Variants in ITGAX observed in about 807,000 individuals in gnomAD.
ITGAX encodes the protein integrin subunit alpha X.
A neutral mutation model predicts 140.2 loss-of-function variants in ITGAX; 99 were observed. The observed-to-expected ratio is 0.71, with a 90% CI of 0.60 to 0.83. The LOEUF is 0.83. ITGAX is among the 40% of genes least tolerant of loss of function. The pLI, the probability that ITGAX is intolerant of heterozygous loss-of-function variation, is 0.00. For missense variants in ITGAX, 1,444 were observed against 1,482.0 expected (o/e 0.97, Z 0.42); for synonymous variants, 631 against 600.4 (o/e 1.05, Z -0.75).
intron 17 of ITGAX, among the ~76,000 whole-genome samples, chr16:31,372,171 G>GA (rs1555477554): frequency 6.6e-6 from 1 of 151,628 alleles, no homozygotes; most frequent in African/African-American, 2.4e-5. Flanking sequence ...GGTCTGGGGG[G>GA]GGGGAGGAAA....
At chr16:31,362,847 G>T in intron 12 of ITGAX, 88 bp from the exon 13 acceptor site, 2 of 1,606,126 alleles carry the variant, frequency 1.2e-6, no homozygotes, top group Non-Finnish European at 1.7e-6. Context: ...CCTTGGGGGA[G>T]GTCCTGGTAC....
chr16:31,357,091 C>T lies in ITGAX; in HGVS notation c.308C>T (p.Ser103Phe), dbSNP rs1353948157. 2.5e-6 allele frequency: 4 copies of T among 1,606,682 alleles called. No individual in the cohort carries two copies. In the East Asian group the frequency reaches 8.9e-5, roughly 36 times the overall value. The change falls in exon 4 of 30, where the codon TCC (serine) becomes TTC (phenylalanine). Residue 103 changes from serine to phenylalanine, a missense_variant. By Grantham distance (155) the Ser-to-Phe change is radical. Coordinates refer to ENST00000268296, the MANE Select transcript of ITGAX (RefSeq NM_000887.5). ...GLSLASTTSPSQLLACGPTVH... is the reference protein window; with the variant it reads ...GLSLASTTSPFQLLACGPTVH... ...TCCCTGGCGTCTACCACCAGCCCTT[C>T]CCAGCTGCTGGTGAGTGGCCCTGGG...
In ITGAX at chr16:31,382,227, T is replaced by TA; in HGVS notation, c.*320_*321insA. Reference sequence around the variant, plus strand: ...AGGCACGAATGATCTTTCTTTCCTTTCTTTTTTTTTTTTTTTCTTTTCTTT... The same window carrying TA: ...AGGCACGAATGATCTTTCTTTCCTTTACTTTTTTTTTTTTTTTCTTTTCTTT... On this transcript the variant is annotated 3_prime_UTR_variant, in exon 30 of 30. Coordinates refer to ENST00000268296, the MANE Select transcript of ITGAX (RefSeq NM_000887.5). 21 of 1,195,830 alleles carry TA rather than the reference T, an allele frequency of 1.8e-5. No individual in the cohort carries two copies. The highest frequency in any genetic ancestry group is 2.2e-5 in the Non-Finnish European group (21 of 936,118). 74.1% of individuals were successfully genotyped at this position (1,195,830 alleles called of 1,614,324 possible).
chr16:31,361,511 A>G (rs904168677), intron 9 of ITGAX: 15 of 670,050 alleles, frequency 2.2e-5, no homozygotes, highest in South Asian at 5.5e-5. Context: ...TTCCACCCAC[A>G]CCGGGCCCTA....
Position 31,381,026 on chromosome 16 carries a change from T to C in ITGAX, c.3387+19T>C, listed in dbSNP as rs753129871. On this transcript the variant is annotated intron_variant, in intron 29 of 29. Coordinates refer to ENST00000268296, the MANE Select transcript of ITGAX (RefSeq NM_000887.5). ...GTACAAAGTGAGTGTTTTATGCCAC[T>C]CTTGACACCACCAGCATCTGGTCCC... is the stretch of plus-strand genomic sequence containing the variant. The C allele has an allele frequency of 1.9e-6, 3 of 1,577,144 alleles. No individual in the cohort carries two copies. The highest frequency in any genetic ancestry group is 2.6e-6 in the Non-Finnish European group (3 of 1,146,592).
intron 19 of ITGAX, among the ~76,000 whole-genome samples, chr16:31,372,939 C>CAACAACAACA (rs1326288378): frequency 6.6e-6 from 1 of 151,646 alleles, no homozygotes; most frequent in Non-Finnish European, 1.5e-5. Flanking sequence ...ACAACAACAA[C>CAACAACAACA]AACATCACTT....
In ITGAX at chr16:31,355,991, A is replaced by G. The variant is rs1362252019; in HGVS notation, c.136A>G (p.Asn46Asp). The G allele has an allele frequency of 6.2e-7, 1 of 1,611,502 alleles. No homozygotes were observed. Among genetic ancestry groups the G allele is most frequent in the Middle Eastern group, 1.7e-4 (1 of 6,046 alleles). Residue 46 changes from asparagine (N) to aspartate (D), a missense_variant, in exon 2 of 30, where the codon AAC (asparagine) becomes GAC (aspartate). Physicochemically the swap from Asn to Asp is conservative, Grantham distance 23. Coordinates refer to ENST00000268296, the MANE Select transcript of ITGAX (RefSeq NM_000887.5). ...GFGDSVVQYA[N>D]SWVVVGAPQK... ...TGGAGACAGCGTGGTCCAGTATGCC[A>G]ACTCCTGGTGAGGCCCAGGTGGTGC...
rs1371386911 is a variant in ITGAX, at chr16:31,381,814, C to A, written c.3399C>A (p.Phe1133Leu). The change falls in exon 30 of 30, where the codon TTC (phenylalanine) becomes TTA (leucine). Residue 1133 changes from phenylalanine (F) to leucine (L), a missense_variant. Transcript: ENST00000268296. ...ITAVLYKVGF[F>L]KRQYKEMMEE... ...GTCCTCCCCCCTAGGTTGGCTTCTTCAAGCGTCAGTACAAGGAAATGATGG... is the reference window on the plus strand; with the variant it reads ...GTCCTCCCCCCTAGGTTGGCTTCTTAAAGCGTCAGTACAAGGAAATGATGG... 1.1e-6 allele frequency: 1 copy of A among 872,806 alleles called. No individual in the cohort carries two copies. The highest frequency in any genetic ancestry group is 1.7e-5 in the Admixed American group (1 of 59,134). 54.1% of individuals were successfully genotyped at this position (872,806 alleles called of 1,614,324 possible).
At position 31,382,456 on chromosome 16, in the gene ITGAX, T is replaced by C; in HGVS notation, c.*549T>C. On this transcript the variant is annotated 3_prime_UTR_variant, in exon 30 of 30. Transcript: ENST00000268296. ...TCTGAATATGCTGCTCATCCCCACC[T>C]GTCTTCAACAGCTCCCCATTACCCT... The C allele has an allele frequency of 6.5e-7, 1 of 1,534,962 alleles. No homozygotes were observed. Among genetic ancestry groups the C allele is most frequent in the East Asian group, 2.4e-5 (1 of 40,916 alleles).
chr16:31,368,384 G>A (rs1170903502), intron 14 of ITGAX, among the ~76,000 whole-genome samples: 1 of 150,714 alleles, frequency 6.6e-6, no homozygotes, highest in Non-Finnish European at 1.5e-5. Context: ...TGTAATCCCA[G>A]CTACTCAGGA....
intron 11 of ITGAX, 90 bp from the exon 12 acceptor site, chr16:31,362,521 G>C: frequency 6.8e-7 from 1 of 1,469,954 alleles, no homozygotes; most frequent in Non-Finnish European, 9.1e-7. Flanking sequence ...GTTCTGGGGA[G>C]GGGAGATGGT....
chr16:31,373,193 C>T, intron 19 of ITGAX, 56 bp from the exon 20 acceptor site: 2 of 1,297,390 alleles, frequency 1.5e-6, no homozygotes, highest in South Asian at 2.6e-5. Flanking sequence ...TTATCCCAGA[C>T]CATTTCTAGC....
rs754697673 is a variant in ITGAX at position 31,373,445 on chromosome 16, C to G, written c.2508+55C>G. On this transcript the variant is annotated intron_variant, in intron 20 of 29. Coordinates refer to ENST00000268296, the MANE Select transcript of ITGAX (RefSeq NM_000887.5). Reference sequence around the variant, plus strand: ...AGGGCTGGGCGTTAGCGTAGATTCCCGTGCGGTTCAGAACCCGGGCTGGGC... The same window carrying G: ...AGGGCTGGGCGTTAGCGTAGATTCCGGTGCGGTTCAGAACCCGGGCTGGGC... 4.5e-6 allele frequency: 7 copies of G among 1,548,056 alleles called. No individual in the cohort carries two copies. The Admixed American group carries it at 7.4e-5, about 16-fold the overall frequency.
At chr16:31,371,560 T>C (rs930194057) in intron 16 of ITGAX, 63 bp downstream of exon 16, 2 of 1,609,108 alleles carry the variant, frequency 1.2e-6, no homozygotes, top group Non-Finnish European at 1.7e-6. Context: ...CCCAGGCCCC[T>C]GTCTCCCACC....
rs1312286677 is a variant in ITGAX at position 31,358,811 on chromosome 16, TG to T, written c.431-887del. Among the ~76,000 whole-genome samples the T allele has an allele frequency of 6.8e-3, 897 of 131,254 alleles. 16 individuals carry two copies. Among genetic ancestry groups the T allele is most frequent in the African/African-American group, 0.022 (868 of 38,688 alleles). The allele number at this position is 131,254 out of a possible 152,430, so 86.1% of individuals were successfully genotyped here. A position where few individuals can be genotyped will look rare whatever the true frequency, so the allele number is the denominator to read the frequency against. On this transcript the variant is annotated intron_variant, in intron 5 of 29. Coordinates refer to ENST00000268296, the MANE Select transcript of ITGAX (RefSeq NM_000887.5). ...ACCGTCTGAATTGGAGAAATCTTCC[TG>T]GTTTTTTTTTTTTTCTTTTTTTTTA...
In ITGAX at chr16:31,360,331, A is replaced by T. The variant is rs2080809935; in HGVS notation, c.729A>T (p.Ser243=). The T allele has an allele frequency of 6.2e-7, 1 of 1,613,462 alleles. No individual in the cohort carries two copies. Among genetic ancestry groups the T allele is most frequent in the East Asian group, 2.2e-5 (1 of 44,888 alleles). ...ATAGGCACCGATTGTTCCATGCCTC[A>T]TATGGGGCCCGTAGGGATGCCGCCA... ...QNVVHRLFHA[S]YGARRDAAKI... Residue 243 remains serine (S), a synonymous_variant, in exon 8 of 30, where the codon TCA becomes TCT. Coordinates refer to ENST00000268296, the MANE Select transcript of ITGAX (RefSeq NM_000887.5).
chr16:31,382,215 C>G lies in ITGAX; in HGVS notation c.*308C>G, dbSNP rs146453421. ...CCTTCTCCCATGAGGCACGAATGAT[C>G]TTTCTTTCCTTTCTTTTTTTTTTTT... On this transcript the variant is annotated 3_prime_UTR_variant, in exon 30 of 30. Coordinates refer to ENST00000268296, the MANE Select transcript of ITGAX (RefSeq NM_000887.5). 1,439 of 1,170,854 alleles carry G rather than the reference C, an allele frequency of 1.2e-3. 19 individuals are homozygous for G. The African/African-American group carries it at 0.021, about 17-fold the overall frequency. 72.5% of individuals were successfully genotyped at this position (1,170,854 alleles called of 1,614,324 possible).
Position 31,376,786 on chromosome 16 carries a change from T to C in ITGAX, c.2509-13T>C. The C allele has an allele frequency of 6.2e-7, 1 of 1,613,434 alleles. No homozygotes were observed. The highest frequency in any genetic ancestry group is 8.5e-7 in the Non-Finnish European group (1 of 1,179,432). On this transcript the variant is annotated splice_polypyrimidine_tract_variant and intron_variant, in intron 20 of 29. Transcript: ENST00000268296. ...ATTTCAACTAATACTCCTCTACTTT[T>C]TCTCATGCCTAGAAACAAGGGCAGC...
chr16:31,361,254 C>A, intron 9 of ITGAX, 41 bp downstream of exon 9: 1 of 1,571,616 alleles, frequency 6.4e-7, no homozygotes, highest in Non-Finnish European at 8.6e-7. Context: ...AATCCTCAGC[C>A]GTTAACACCT....
Sources: gnomAD v4.1 joint callset for allele counts (sites outside exome capture counted in the v4.1 genomes callset) on GRCh38, gnomAD v4.1.1 for gene constraint, MANE v1.5 for transcripts, NCBI Gene and HGNC (gene_info 2026-07-23, HGNC 2026-07-21) for gene names.